NR6A1: variants seen among roughly 807,000 people sequenced by gnomAD.
NR6A1 encodes nuclear receptor subfamily 6 group A member 1.
In NR6A1, 7 loss-of-function variants were observed where a neutral mutation model predicts 59.1. The ratio of observed to expected loss-of-function variants is 0.12; its 90% CI spans 0.07 to 0.22. The LOEUF (loss-of-function observed/expected upper bound fraction) is 0.22. Ranked by LOEUF, NR6A1 falls within the 10% of genes least tolerant of loss-of-function variation. The pLI, the probability that NR6A1 is intolerant of heterozygous loss-of-function variation, is 1.00. For missense variants in NR6A1, 468 were observed against 611.6 expected (o/e 0.77, Z 2.48); for synonymous variants, 243 against 236.1 (o/e 1.03, Z -0.27).
In NR6A1 at chr9:124,522,586, G is replaced by T; in HGVS notation, c.*119C>A. 1 of 633,068 alleles carries T rather than the reference G, an allele frequency of 1.6e-6. No homozygotes were observed. The allele number at this position is 633,068 out of a possible 1,614,324, so 39.2% of individuals were successfully genotyped here. On this transcript the variant is annotated 3_prime_UTR_variant, in exon 10 of 10. Transcript: ENST00000487099. ...ACAAACAAAAACTCTTCTTGCTATG[G>T]AGGCAACGGGAAATGCTGCTCCACA...
At chr9:124,700,959 C>T (rs1437725856) in intron 2 of NR6A1, among the ~76,000 whole-genome samples, 1 of 152,018 alleles carries the variant, frequency 6.6e-6, no homozygotes, top group African/African-American at 2.4e-5. Flanking sequence ...AGGGGTTTCT[C>T]CATGTTGGCC....
chr9:124,540,011 A>T (rs552920899), intron 5 of NR6A1, 22 bp downstream of exon 5: 1 of 1,543,648 alleles, frequency 6.5e-7, no homozygotes, highest in African/African-American at 1.6e-5. Context: ...GATGATGACC[A>T]TGGGTTTGCC....
intron 7 of NR6A1, among the ~76,000 whole-genome samples, chr9:124,534,778 A>G (rs1833205773): frequency 6.6e-6 from 1 of 152,204 alleles, no homozygotes; most frequent in South Asian, 2.1e-4. Context: ...CATCTATAAA[A>G]TAGGCACAAC....
chr9:124,553,697 G>T (rs1292404484), intron 3 of NR6A1, among the ~76,000 whole-genome samples: 1 of 151,054 alleles, frequency 6.6e-6, no homozygotes, highest in Non-Finnish European at 1.5e-5. Flanking sequence ...ACATCTCTGT[G>T]TGCCATTATT....
chr9:124,600,081 T>A (rs1476400737), intron 2 of NR6A1, among the ~76,000 whole-genome samples: 1 of 152,228 alleles, frequency 6.6e-6, no homozygotes, highest in Non-Finnish European at 1.5e-5. Context: ...GAATGTCTGA[T>A]GCAAAGTGAA....
chr9:124,698,211 T>A (rs1838827604), intron 2 of NR6A1: 1 of 152,232 alleles, frequency 6.6e-6, no homozygotes, highest in Non-Finnish European at 1.5e-5. Flanking sequence ...AAGTTAATTT[T>A]AAATCATGTC....
chr9:124,632,078 T>A (rs898535374), intron 2 of NR6A1, among the ~76,000 whole-genome samples: 1 of 152,210 alleles, frequency 6.6e-6, no homozygotes, highest in East Asian at 1.9e-4. Context: ...TTGGTGGGCA[T>A]TTAGATTGAT....
intron 2 of NR6A1, among the ~76,000 whole-genome samples, chr9:124,588,368 C>T (rs995276538): frequency 4.0e-5 from 6 of 151,890 alleles, no homozygotes; most frequent in Non-Finnish European, 8.8e-5. Flanking sequence ...AGTACAGTGG[C>T]GCGATCTCCA....
intron 1 of NR6A1, among the ~76,000 whole-genome samples, chr9:124,757,158 T>C (rs992883842): frequency 6.6e-6 from 1 of 151,974 alleles, no homozygotes; most frequent in Non-Finnish European, 1.5e-5. Flanking sequence ...GGTATCTCAG[T>C]GTAAATTAAA....
chr9:124,681,126 A>C (rs1398868175), intron 2 of NR6A1, among the ~76,000 whole-genome samples: 1 of 152,252 alleles, frequency 6.6e-6, no homozygotes, highest in East Asian at 1.9e-4. Context: ...ACTTCTGCAC[A>C]GTGGCTGCTT....
At chr9:124,719,515 T>C (rs778770357) in intron 2 of NR6A1, among the ~76,000 whole-genome samples, 1 of 152,146 alleles carries the variant, frequency 6.6e-6, no homozygotes, top group Non-Finnish European at 1.5e-5. Context: ...TAAAAATTAT[T>C]TAATGTAGGA....
At chr9:124,749,906 G>A (rs1485558283) in intron 1 of NR6A1, among the ~76,000 whole-genome samples, 4 of 152,154 alleles carry the variant, frequency 2.6e-5, no homozygotes, top group Non-Finnish European at 5.9e-5. Flanking sequence ...CTTCCCCACA[G>A]CTCAACTGGA....
chr9:124,714,190 C>T (rs182271420), intron 2 of NR6A1, among the ~76,000 whole-genome samples: 36 of 152,242 alleles, frequency 2.4e-4, no homozygotes, highest in Non-Finnish European at 7.4e-5. Flanking sequence ...CTAGAGTAGA[C>T]AAATTCATAG....
intron 2 of NR6A1, among the ~76,000 whole-genome samples, chr9:124,633,402 CAAAAAAAAAA>C (rs11337023): frequency 1.4e-5 from 1 of 72,762 alleles, no homozygotes; most frequent in Non-Finnish European, 2.7e-5. Flanking sequence ...AACTCCGTCT[CAAAAAAAAAA>C]AAAAAAAAAA....
intron 2 of NR6A1, among the ~76,000 whole-genome samples, chr9:124,696,408 C>A (rs1364014920): frequency 6.6e-6 from 1 of 152,088 alleles, no homozygotes; most frequent in African/African-American, 2.4e-5. Flanking sequence ...TGGCTGACCC[C>A]CTTCCATCAT....
chr9:124,689,493 G>A (rs563228473), intron 2 of NR6A1, among the ~76,000 whole-genome samples: 5 of 152,144 alleles, frequency 3.3e-5, no homozygotes, highest in Admixed American at 6.5e-5. Flanking sequence ...TTCTATTCTC[G>A]CACATATGAA....
chr9:124,641,596 C>A, intron 2 of NR6A1, among the ~76,000 whole-genome samples: 1 of 151,880 alleles, frequency 6.6e-6, no homozygotes. Context: ...GCTTGGGAGG[C>A]TGAGGCAGGA....
chr9:124,650,912 T>C (rs1837080750), intron 2 of NR6A1, among the ~76,000 whole-genome samples: 1 of 152,082 alleles, frequency 6.6e-6, no homozygotes, highest in South Asian at 2.1e-4. Flanking sequence ...AGGGGTATAA[T>C]CACCACCACC....
At chr9:124,573,816 C>T (rs892993136) in intron 2 of NR6A1, among the ~76,000 whole-genome samples, 4 of 151,984 alleles carry the variant, frequency 2.6e-5, no homozygotes, top group Non-Finnish European at 4.4e-5. Context: ...TTTTTAAAGC[C>T]GTAACATATA....
Sources: gnomAD v4.1 joint callset for allele counts (sites outside exome capture counted in the v4.1 genomes callset) on GRCh38, gnomAD v4.1.1 for gene constraint, MANE v1.5 for transcripts, NCBI Gene and HGNC (gene_info 2026-07-23, HGNC 2026-07-21) for gene names.